VPS8: variants seen among roughly 807,000 people sequenced by gnomAD.
VPS8 encodes VPS8 subunit of CORVET complex.
Under a neutral mutation model 216.4 loss-of-function variants are expected in VPS8, and 129 were observed. The observed-to-expected ratio is 0.60, with a 90% CI of 0.52 to 0.69. VPS8 has a LOEUF of 0.69. Among genes scored for constraint, VPS8 ranks in the 30% least tolerant of loss-of-function variants. VPS8 has a pLI of 0.00. For synonymous variants in VPS8, 571 were observed against 565.4 expected (o/e 1.01, Z -0.14); for missense variants, 1,531 against 1,683.5 (o/e 0.91, Z 1.59).
At position 184,940,244 on chromosome 3, in the gene VPS8, G is replaced by T. The variant is rs764541231; in HGVS notation, c.3035+1G>T. 1 of 1,412,864 alleles carries T rather than the reference G, an allele frequency of 7.1e-7. No individual in the cohort carries two copies. Among genetic ancestry groups the T allele is most frequent in the Non-Finnish European group, 9.4e-7 (1 of 1,065,814 alleles). The allele number at this position is 1,412,864 out of a possible 1,614,324, so 87.5% of individuals were successfully genotyped here. On this transcript the variant is annotated splice_donor_variant, in intron 36 of 47. Transcript: ENST00000625842. LOFTEE classifies it high-confidence loss of function. The stretch of plus-strand genomic sequence containing the variant: ...TTTTGAGGAGTCTTCTTGACCCAAG[G>T]TATGTTGACAAACTTTAGTCTTTCA...
chr3:184,882,373 G>A (rs1305172390), intron 21 of VPS8: 1 of 455,046 alleles, frequency 2.2e-6, no homozygotes, highest in Non-Finnish European at 4.4e-6. Flanking sequence ...ATATCGTAAT[G>A]ATTGGTTTTT....
At chr3:185,016,195 A>G (rs1389347942) in intron 45 of VPS8, among the ~76,000 whole-genome samples, 1 of 152,150 alleles carries the variant, frequency 6.6e-6, no homozygotes, top group African/African-American at 2.4e-5. Flanking sequence ...TTTTCAGTTG[A>G]TCCCTACGTA....
chr3:184,869,721 T>C (rs1028701503), intron 20 of VPS8, among the ~76,000 whole-genome samples, 193 bp downstream of exon 20: 2 of 151,758 alleles, frequency 1.3e-5, no homozygotes, highest in South Asian at 4.1e-4. Context: ...AGACCCCGTC[T>C]CTAAAAAAAA....
chr3:184,919,064 A>T (rs1474920427), intron 28 of VPS8: 1 of 152,228 alleles, frequency 6.6e-6, no homozygotes, highest in Non-Finnish European at 1.5e-5. Context: ...CTGTGCATCA[A>T]ACAGGAGAAG....
chr3:184,954,560 CTTA>C (rs1349889381), intron 36 of VPS8, among the ~76,000 whole-genome samples: 4 of 152,142 alleles, frequency 2.6e-5, no homozygotes, highest in African/African-American at 9.7e-5. Flanking sequence ...GAGCTGTGTG[CTTA>C]TTATATCACA....
chr3:184,914,953 C>G, intron 26 of VPS8, 28 bp from the exon 27 acceptor site: 1 of 1,605,696 alleles, frequency 6.2e-7, no homozygotes. Context: ...TACAAGTCAC[C>G]ATATCCATTC....
At chr3:184,936,361 G>C (rs1560760778) in intron 35 of VPS8, 26 bp downstream of exon 35, 1 of 1,561,632 alleles carries the variant, frequency 6.4e-7, no homozygotes, top group South Asian at 1.2e-5. Context: ...ATATATTGGG[G>C]AAAAATATCT....
intron 40 of VPS8, among the ~76,000 whole-genome samples, chr3:184,981,543 C>T (rs1481896948): frequency 1.3e-5 from 2 of 151,558 alleles, no homozygotes; most frequent in South Asian, 2.1e-4. Flanking sequence ...AAGCGATTCT[C>T]CTGCCTCAGC....
chr3:185,009,059 ACCAGC>A (rs367830153), intron 45 of VPS8, among the ~76,000 whole-genome samples: 238 of 152,358 alleles, frequency 1.6e-3, no homozygotes, highest in African/African-American at 5.5e-3. Flanking sequence ...GATCTGTATT[ACCAGC>A]CCAGTTCTCA....
At chr3:184,869,860 G>A (rs1728034671) in intron 20 of VPS8, among the ~76,000 whole-genome samples, 1 of 152,182 alleles carries the variant, frequency 6.6e-6, no homozygotes, top group African/African-American at 2.4e-5. Flanking sequence ...CTGCACTCCA[G>A]CCTGGGCAAC....
At chr3:184,993,384 G>A (rs966081814) in intron 42 of VPS8, among the ~76,000 whole-genome samples, 4 of 151,508 alleles carry the variant, frequency 2.6e-5, no homozygotes, top group Non-Finnish European at 4.4e-5. Context: ...GTACACTTCA[G>A]TGTTTCCAAA....
intron 7 of VPS8, 74 bp from the exon 8 acceptor site, chr3:184,843,166 C>A: frequency 8.4e-7 from 1 of 1,196,332 alleles, no homozygotes; most frequent in Admixed American, 3.0e-5. Flanking sequence ...TTTTACCTGC[C>A]TTTTCTTCGA....
chr3:185,002,825 C>G (rs1753596905), intron 45 of VPS8, among the ~76,000 whole-genome samples: 1 of 152,144 alleles, frequency 6.6e-6, no homozygotes, highest in African/African-American at 2.4e-5. Context: ...TGTATGTATA[C>G]CACATTTCTT....
chr3:184,944,077 A>C (rs191150723), intron 36 of VPS8, among the ~76,000 whole-genome samples: 1 of 152,256 alleles, frequency 6.6e-6, no homozygotes, highest in East Asian at 1.9e-4. Flanking sequence ...AAACATTTAC[A>C]AGTATCAAGT....
At chr3:184,844,375 C>T (rs546382948) in intron 8 of VPS8, among the ~76,000 whole-genome samples, 2 of 151,874 alleles carry the variant, frequency 1.3e-5, no homozygotes, top group African/African-American at 4.8e-5. Context: ...GAGCCGAGAT[C>T]GTGCCACTGC....
intron 21 of VPS8, 124 bp from the exon 22 acceptor site, chr3:184,885,986 C>T: frequency 2.5e-5 from 27 of 1,061,936 alleles, no homozygotes; most frequent in South Asian, 7.1e-5. Flanking sequence ...AATTGCTTAC[C>T]AAAAGCATGA....
In VPS8 at chr3:184,860,156, A is replaced by T. The variant is rs1726006653; in HGVS notation, c.1224+91A>T. 4 of 1,079,918 alleles carry T rather than the reference A, an allele frequency of 3.7e-6. No homozygotes were observed. The South Asian group carries it at 5.6e-5, about 15-fold the overall frequency. The allele number at this position is 1,079,918 out of a possible 1,614,324, so 66.9% of individuals were successfully genotyped here. A position where few individuals can be genotyped will look rare whatever the true frequency, so the allele number is the denominator to read the frequency against. On this transcript the variant is annotated intron_variant, in intron 15 of 47. Coordinates refer to ENST00000625842, the MANE Select transcript of VPS8 (RefSeq NM_001009921.3). ...TAAAGCTACCAGGATTTCTGCCAAG[A>T]ATTATTACCTTTAAGATCATATGAA...
chr3:184,956,488 T>C (rs1340339397), intron 36 of VPS8, among the ~76,000 whole-genome samples: 1 of 152,258 alleles, frequency 6.6e-6, no homozygotes, highest in Non-Finnish European at 1.5e-5. Flanking sequence ...ATCATTGTTG[T>C]ATCTTATTAA....
intron 40 of VPS8, among the ~76,000 whole-genome samples, chr3:184,980,767 C>G (rs1485705955): frequency 6.6e-6 from 1 of 152,098 alleles, no homozygotes; most frequent in East Asian, 1.9e-4. Flanking sequence ...TCAACTTTCT[C>G]CAGAATCTCA....
Sources: gnomAD v4.1 joint callset for allele counts (sites outside exome capture counted in the v4.1 genomes callset) on GRCh38, gnomAD v4.1.1 for gene constraint, MANE v1.5 for transcripts, NCBI Gene and HGNC (gene_info 2026-07-23, HGNC 2026-07-21) for gene names.